ARFGEF1: variants seen among roughly 807,000 people sequenced by gnomAD.
ARFGEF1 encodes the protein ARF guanine nucleotide exchange factor 1, also known as brefeldin A-inhibited guanine nucleotide-exchange protein 1.
ARFGEF1 carries 42 observed loss-of-function variants against 231.0 expected under a neutral mutation model. That is an observed-to-expected ratio of 0.18 (90% confidence interval 0.14 to 0.24). The LOEUF (loss-of-function observed/expected upper bound fraction) is 0.24, where lower values mean the gene tolerates loss of function less well. Among genes scored for constraint, ARFGEF1 ranks in the 10% least tolerant of loss-of-function variants. The pLI is 1.00. For synonymous variants in ARFGEF1, 710 were observed against 732.3 expected (o/e 0.97, Z 0.49); for missense variants, 1,345 against 2,192.0 (o/e 0.61, Z 7.72).
intron 5 of ARFGEF1, 62 bp from the exon 6 acceptor site, chr8:67,292,185 T>C (rs1188377869): frequency 4.2e-6 from 6 of 1,433,546 alleles, no homozygotes; most frequent in South Asian, 2.5e-5. Context: ...GGAAGGATAA[T>C]GTTACCTCCA....
At chr8:67,236,746 T>C (rs1168720158) in intron 22 of ARFGEF1, among the ~76,000 whole-genome samples, 1 of 152,082 alleles carries the variant, frequency 6.6e-6, no homozygotes, top group Non-Finnish European at 1.5e-5. Context: ...ATAAAATAAG[T>C]GTTACTGGTC....
rs750278853 is a variant in ARFGEF1 at position 67,203,152 on chromosome 8, A to G, written c.5059T>C (p.Leu1687=). The change falls in exon 36 of 39, where the codon TTA becomes CTA. Residue 1687 remains leucine, a synonymous_variant. Transcript: ENST00000262215. ...GCTTTTGCAAATCTATGTGACTCTA[A>G]TAAGCAGTCCAGTAGCTTAAAAAGT... The part of the protein sequence containing the change: ...QQLFKLLDCL[L]ESHRFAKAFN... 1.2e-6 allele frequency: 2 copies of G among 1,614,214 alleles called. No individual in the cohort carries two copies. Among genetic ancestry groups the G allele is most frequent in the Admixed American group, 3.3e-5 (2 of 60,032 alleles).
intron 14 of ARFGEF1, among the ~76,000 whole-genome samples, chr8:67,260,573 T>A (rs991757928): frequency 6.6e-6 from 1 of 152,192 alleles, no homozygotes; most frequent in Non-Finnish European, 1.5e-5. Context: ...AATACTTGTG[T>A]GTGTTCTGAC....
chr8:67,298,601 T>C (rs1806343303), intron 4 of ARFGEF1, among the ~76,000 whole-genome samples: 1 of 152,106 alleles, frequency 6.6e-6, no homozygotes, highest in Non-Finnish European at 1.5e-5. Flanking sequence ...TATATATACA[T>C]ATGAAAAACA....
At chr8:67,225,082 C>T (rs528589011) in intron 28 of ARFGEF1, 49 bp from the exon 29 acceptor site, 1 of 1,483,836 alleles carries the variant, frequency 6.7e-7, no homozygotes. Context: ...AACACCCATA[C>T]ATTCAGTATA....
chr8:67,178,979 G>GT (rs887334338), intron 5 of ARFGEF1, among the ~76,000 whole-genome samples: 1 of 152,206 alleles, frequency 6.6e-6, no homozygotes, highest in African/African-American at 2.4e-5. Flanking sequence ...GGCTATTGTA[G>GT]TAATTTAGGC....
At chr8:67,261,572 C>T (rs1218076179) in intron 14 of ARFGEF1, among the ~76,000 whole-genome samples, 3 of 152,222 alleles carry the variant, frequency 2.0e-5, no homozygotes, top group Admixed American at 6.5e-5. Flanking sequence ...ATTGACAATG[C>T]ACCTGATCAC....
intron 1 of ARFGEF1, among the ~76,000 whole-genome samples, chr8:67,329,542 A>G (rs1235947716): frequency 3.4e-5 from 5 of 145,592 alleles, no homozygotes; most frequent in African/African-American, 7.6e-5. Flanking sequence ...ATAAATAAAT[A>G]AATAAATAAA....
At chr8:67,337,128 CAA>C (rs1160016610) in intron 1 of ARFGEF1, among the ~76,000 whole-genome samples, 6 of 54,996 alleles carry the variant, frequency 1.1e-4, no homozygotes, top group East Asian at 5.2e-4. Flanking sequence ...GACGCCGTCT[CAA>C]AAAAAAAAAA....
At chr8:67,269,962 A>T (rs1229329387) in intron 10 of ARFGEF1, among the ~76,000 whole-genome samples, 2 of 152,186 alleles carry the variant, frequency 1.3e-5, no homozygotes, top group East Asian at 3.8e-4. Context: ...GGTAAACAGT[A>T]CCTACAGAAG....
At chr8:67,328,945 G>A (rs1371720096) in intron 1 of ARFGEF1, among the ~76,000 whole-genome samples, 2 of 152,112 alleles carry the variant, frequency 1.3e-5, no homozygotes, top group African/African-American at 4.8e-5. Context: ...AAAATTCAGG[G>A]CCAGGCCCAG....
intron 38 of ARFGEF1, chr8:67,199,315 A>G: frequency 2.2e-6 from 1 of 464,456 alleles, no homozygotes; most frequent in Non-Finnish European, 3.7e-6. Flanking sequence ...TTTGAAAAAC[A>G]TTTGTCTGTA....
intron 17 of ARFGEF1, among the ~76,000 whole-genome samples, chr8:67,255,137 G>T (rs964914418): frequency 1.3e-5 from 2 of 152,182 alleles, no homozygotes; most frequent in African/African-American, 4.8e-5. Flanking sequence ...TGTGGATCTG[G>T]GTTAGGGATC....
At chr8:67,282,528 T>C (rs1805577633) in intron 7 of ARFGEF1, among the ~76,000 whole-genome samples, 1 of 152,162 alleles carries the variant, frequency 6.6e-6, no homozygotes, top group South Asian at 2.1e-4. Context: ...TTAAAAATTT[T>C]TTTTGTGGTC....
At chr8:67,175,235 T>G (rs889647243), downstream of ARFGEF1, 3 of 1,333,768 alleles carry the variant, frequency 2.2e-6, no homozygotes, top group African/African-American at 2.9e-5. Flanking sequence ...CAGTGAAGTT[T>G]TACAAAATCC....
intron 14 of ARFGEF1, among the ~76,000 whole-genome samples, chr8:67,263,909 T>A (rs1804742173): frequency 6.6e-6 from 1 of 152,124 alleles, no homozygotes; most frequent in Non-Finnish European, 1.5e-5. Context: ...GAAGAACAAT[T>A]ATATCTTTTA....
intron 17 of ARFGEF1, among the ~76,000 whole-genome samples, chr8:67,256,405 T>C (rs1253546082): frequency 6.6e-6 from 1 of 152,172 alleles, no homozygotes; most frequent in Non-Finnish European, 1.5e-5. Context: ...TATATACATA[T>C]GTATATAATC....
At chr8:67,186,499 TTA>T (rs1408791159) in intron 5 of ARFGEF1, among the ~76,000 whole-genome samples, 1 of 151,780 alleles carries the variant, frequency 6.6e-6, no homozygotes, top group Non-Finnish European at 1.5e-5. Context: ...TACCACCCAT[TTA>T]TGGTAACTCA....
At chr8:67,271,584 C>T (rs1042541266) in intron 10 of ARFGEF1, 118 bp downstream of exon 10, 3 of 755,462 alleles carry the variant, frequency 4.0e-6, no homozygotes, top group Non-Finnish European at 4.3e-6. Context: ...AAAATAAGTG[C>T]ATGGCAATAT....
Sources: allele counts gnomAD v4.1 joint callset (sites outside exome capture counted in the v4.1 genomes callset), GRCh38; gene constraint gnomAD v4.1.1; transcripts MANE v1.5; gene names NCBI Gene and HGNC (gene_info 2026-07-23, HGNC 2026-07-21).